Variants in NLGN1 observed in about 807,000 individuals in gnomAD.
The protein encoded by NLGN1 is neuroligin 1.
NLGN1 carries 12 observed loss-of-function variants against 65.5 expected under a neutral mutation model. That is an observed-to-expected ratio of 0.18 (90% CI 0.12 to 0.30). The LOEUF (loss-of-function observed/expected upper bound fraction) is 0.30, where lower values mean the gene tolerates loss of function less well. NLGN1 is among the 10% of genes least tolerant of loss of function. The probability of loss-of-function intolerance (pLI) is 1.00; values close to 1 mark genes in which losing one functional copy is unlikely to be tolerated. For missense variants in NLGN1, 750 were observed against 1,007.1 expected (o/e 0.74, Z 3.46); for synonymous variants, 350 against 359.5 (o/e 0.97, Z 0.30).
chr3:173,824,029 A>G (rs897908883), intron 4 of NLGN1, among the ~76,000 whole-genome samples: 1 of 152,002 alleles, frequency 6.6e-6, no homozygotes, highest in African/African-American at 2.4e-5. Flanking sequence ...GAGTGTTTCT[A>G]AGATCAGTTT....
At chr3:173,533,204 GTTATAC>G (rs943486298) in intron 2 of NLGN1, among the ~76,000 whole-genome samples, 1 of 152,102 alleles carries the variant, frequency 6.6e-6, no homozygotes, top group Non-Finnish European at 1.5e-5. Context: ...ACACAAAACT[GTTATAC>G]TTCAATTAAA....
intron 3 of NLGN1, among the ~76,000 whole-genome samples, chr3:173,753,165 C>G (rs1906568): frequency 0.49 from 74,164 of 151,960 alleles, 20,994 homozygotes; most frequent in East Asian, 0.69. Flanking sequence ...TTGCCTTATT[C>G]ATTTCATCCA....
chr3:173,474,970 GAAAAA>G (rs1268542784), intron 2 of NLGN1, among the ~76,000 whole-genome samples: 2 of 151,400 alleles, frequency 1.3e-5, no homozygotes, highest in Non-Finnish European at 1.5e-5. Context: ...GGAAAAAAAA[GAAAAA>G]AAGAAAAGAC....
intron 2 of NLGN1, among the ~76,000 whole-genome samples, chr3:173,450,575 A>G (rs1204178208): frequency 6.6e-6 from 1 of 152,034 alleles, no homozygotes; most frequent in Non-Finnish European, 1.5e-5. Context: ...TCTTTGTGGC[A>G]TTCTCTGTAT....
intron 4 of NLGN1, among the ~76,000 whole-genome samples, chr3:174,149,747 AAC>A (rs1723982136): frequency 6.6e-6 from 1 of 152,160 alleles, no homozygotes; most frequent in South Asian, 2.1e-4. Flanking sequence ...AGATAATAAT[AAC>A]ACAGTAGAGA....
intron 3 of NLGN1, among the ~76,000 whole-genome samples, chr3:173,743,974 C>A (rs921692934): frequency 1.3e-4 from 20 of 152,038 alleles, no homozygotes; most frequent in Admixed American, 1.0e-3. Context: ...TTTAAAATGA[C>A]TTTATAAATT....
At chr3:173,891,618 C>T (rs1187077018) in intron 4 of NLGN1, among the ~76,000 whole-genome samples, 4 of 152,174 alleles carry the variant, frequency 2.6e-5, no homozygotes, top group Non-Finnish European at 5.9e-5. Flanking sequence ...ATGATTTACT[C>T]CTGGCCAATG....
At chr3:173,587,468 A>G (rs909645981) in intron 2 of NLGN1, among the ~76,000 whole-genome samples, 1 of 152,320 alleles carries the variant, frequency 6.6e-6, no homozygotes, top group East Asian at 1.9e-4. Context: ...ACGAAGAGCA[A>G]GGTACCCAGT....
intron 4 of NLGN1, among the ~76,000 whole-genome samples, chr3:174,155,915 T>C (rs895702166): frequency 1.3e-5 from 2 of 151,986 alleles, no homozygotes; most frequent in African/African-American, 4.8e-5. Context: ...CTTTAATTTG[T>C]TTCCTTACAA....
chr3:173,958,877 G>A (rs1243982682), intron 4 of NLGN1, among the ~76,000 whole-genome samples: 2 of 152,176 alleles, frequency 1.3e-5, no homozygotes, highest in African/African-American at 4.8e-5. Context: ...GTCTGGAGGG[G>A]GCCTAGGCAG....
chr3:174,135,596 T>C (rs1721064158), intron 4 of NLGN1, among the ~76,000 whole-genome samples: 1 of 152,160 alleles, frequency 6.6e-6, no homozygotes, highest in African/African-American at 2.4e-5. Context: ...AAAAGAATAT[T>C]TGGTTATTTC....
chr3:173,404,856 A>G lies in NLGN1; in HGVS notation c.-390+6369A>G, dbSNP rs180940009. 1.1e-3 allele frequency among the ~76,000 whole-genome samples: 174 copies of G among 152,248 alleles called. 3 individuals carry two copies. The East Asian group carries it at 0.02, about 17-fold the overall frequency. On this transcript the variant is annotated intron_variant, in intron 1 of 6. Transcript: ENST00000457714. Reference sequence around the variant, plus strand: ...CCGTATTTTATCAAAACCAAGGAGCACTGATTCTAGAACACTGCATTTTAT... The same window carrying G: ...CCGTATTTTATCAAAACCAAGGAGCGCTGATTCTAGAACACTGCATTTTAT...
In NLGN1 at chr3:173,991,362, C is replaced by T. The variant is rs149609901; in HGVS notation, c.646+183530C>T. 1.4e-3 allele frequency among the ~76,000 whole-genome samples: 212 copies of T among 151,998 alleles called. 2 individuals carry two copies. The highest frequency in any genetic ancestry group is 6.8e-3 in the Middle Eastern group (2 of 294). ...AGAAATTTTATATGATTTAGTATTCCTCACTTAATATGAATATATTCAATG... is the reference window on the plus strand; with the variant it reads ...AGAAATTTTATATGATTTAGTATTCTTCACTTAATATGAATATATTCAATG... On this transcript the variant is annotated intron_variant, in intron 4 of 6. Transcript: ENST00000457714.
At chr3:174,063,139 A>G (rs1186820916) in intron 4 of NLGN1, among the ~76,000 whole-genome samples, 8 of 152,298 alleles carry the variant, frequency 5.3e-5, no homozygotes, top group Admixed American at 3.3e-4. Flanking sequence ...AGAAACAATA[A>G]TATGGAATAC....
Position 174,257,739 on chromosome 3 carries a change from T to A in NLGN1, c.647-17576T>A, listed in dbSNP as rs202233118. Among the ~76,000 whole-genome samples the A allele has an allele frequency of 2.3e-4, 35 of 150,878 alleles. No individual in the cohort carries two copies. In the South Asian group the frequency reaches 3.1e-3, roughly 13 times the overall value. ...TAGTGGAATATATATATATATATAT[T>A]TATTCAGCTTCTGTTTCCTGTAATT... On this transcript the variant is annotated intron_variant, in intron 4 of 6. Transcript: ENST00000457714.
At chr3:173,865,959 T>C (rs1047924271) in intron 4 of NLGN1, among the ~76,000 whole-genome samples, 4 of 152,138 alleles carry the variant, frequency 2.6e-5, no homozygotes, top group African/African-American at 9.7e-5. Context: ...GCCTGGAGAC[T>C]GAGAAGTGGA....
chr3:173,803,434 C>T (rs79028801), intron 3 of NLGN1, among the ~76,000 whole-genome samples: 11 of 151,766 alleles, frequency 7.2e-5, no homozygotes, highest in Non-Finnish European at 1.5e-4. Flanking sequence ...GACTGTCCAA[C>T]GTGGTGAAAC....
At chr3:173,776,351 G>A (rs1294511455) in intron 3 of NLGN1, among the ~76,000 whole-genome samples, 1 of 152,048 alleles carries the variant, frequency 6.6e-6, no homozygotes, top group Non-Finnish European at 1.5e-5. Context: ...AGTTGGGTGA[G>A]ATAGGTTAAA....
At chr3:174,054,132 C>T (rs291923) in intron 4 of NLGN1, among the ~76,000 whole-genome samples, 1 of 152,008 alleles carries the variant, frequency 6.6e-6, no homozygotes, top group Non-Finnish European at 1.5e-5. Flanking sequence ...ATAGGTATGG[C>T]TTCAAATGTT....
Sources: allele counts gnomAD v4.1 joint callset (sites outside exome capture counted in the v4.1 genomes callset), GRCh38; gene constraint gnomAD v4.1.1; transcripts MANE v1.5; gene names NCBI Gene and HGNC (gene_info 2026-07-23, HGNC 2026-07-21).